The following DNAJC1 variants were observed in gnomAD, a reference collection of about 807,000 sequenced individuals.
DNAJC1 encodes the protein dnaJ homolog subfamily C member 1.
Under a neutral mutation model 76.6 loss-of-function variants are expected in DNAJC1, and 58 were observed. The ratio of observed to expected loss-of-function variants is 0.76; its 90% CI spans 0.61 to 0.94. The LOEUF (loss-of-function observed/expected upper bound fraction) is 0.94. Among genes scored for constraint, DNAJC1 ranks in the 40% least tolerant of loss-of-function variants. The pLI is 0.00. For synonymous variants in DNAJC1, 258 were observed against 267.9 expected (o/e 0.96, Z 0.36); for missense variants, 689 against 677.3 (o/e 1.02, Z -0.19).
intron 3 of DNAJC1, among the ~76,000 whole-genome samples, chr10:21,926,033 C>T (rs1165692856): frequency 6.6e-6 from 1 of 152,232 alleles, no homozygotes; most frequent in Non-Finnish European, 1.5e-5. Context: ...CAGTGCGCAA[C>T]TTCCGCCTCC....
intron 1 of DNAJC1, among the ~76,000 whole-genome samples, chr10:21,996,428 A>C (rs1838416079): frequency 6.6e-6 from 1 of 152,220 alleles, no homozygotes; most frequent in Admixed American, 6.5e-5. Flanking sequence ...CTCAGCAATC[A>C]AGTCAAATAA....
At chr10:21,998,404 A>G (rs897439106) in intron 1 of DNAJC1, among the ~76,000 whole-genome samples, 3 of 151,466 alleles carry the variant, frequency 2.0e-5, no homozygotes, top group African/African-American at 7.3e-5. Flanking sequence ...AAAAAAAAAA[A>G]AAAAAGAAAT....
chr10:21,848,993 A>G (rs886069770), intron 8 of DNAJC1, among the ~76,000 whole-genome samples: 2 of 152,162 alleles, frequency 1.3e-5, no homozygotes, highest in Non-Finnish European at 2.9e-5. Context: ...AGGTAATCTT[A>G]TAATAGTAAA....
chr10:21,822,690 T>C (rs762381293), intron 8 of DNAJC1, among the ~76,000 whole-genome samples: 8 of 152,028 alleles, frequency 5.3e-5, no homozygotes, highest in Non-Finnish European at 8.8e-5. Context: ...ACAATGAACA[T>C]ACATATATAT....
chr10:22,001,136 C>T (rs1273172175), intron 1 of DNAJC1, among the ~76,000 whole-genome samples: 1 of 152,312 alleles, frequency 6.6e-6, no homozygotes, highest in East Asian at 1.9e-4. Context: ...ATCCAATAGG[C>T]ACCAAACAAA....
At chr10:21,928,740 T>C (rs962000574) in intron 2 of DNAJC1, among the ~76,000 whole-genome samples, 188 bp from the exon 3 acceptor site, 1 of 152,166 alleles carries the variant, frequency 6.6e-6, no homozygotes, top group African/African-American at 2.4e-5. Flanking sequence ...ATGCTTGATA[T>C]CAAAATAAAT....
chr10:21,923,515 G>A (rs1457308410), intron 3 of DNAJC1, among the ~76,000 whole-genome samples: 5 of 151,952 alleles, frequency 3.3e-5, no homozygotes, highest in African/African-American at 1.2e-4. Flanking sequence ...CATACAAACT[G>A]TTCTCAACTA....
At chr10:21,886,364 C>T (rs1232826739) in intron 7 of DNAJC1, among the ~76,000 whole-genome samples, 2 of 152,040 alleles carry the variant, frequency 1.3e-5, no homozygotes, top group African/African-American at 4.8e-5. Context: ...AAAAAAAGGC[C>T]AGGACCTGAT....
chr10:21,983,097 C>A (rs995524668), intron 1 of DNAJC1, among the ~76,000 whole-genome samples: 3 of 152,120 alleles, frequency 2.0e-5, no homozygotes, highest in Non-Finnish European at 4.4e-5. Flanking sequence ...TATGATCCAG[C>A]AATTCTTCCT....
chr10:21,966,379 T>C (rs1398764974), intron 1 of DNAJC1, among the ~76,000 whole-genome samples: 1 of 152,068 alleles, frequency 6.6e-6, no homozygotes. Flanking sequence ...AATTTGAGCA[T>C]CCATTGATAA....
At chr10:21,911,958 C>T (rs186057456) in intron 6 of DNAJC1, among the ~76,000 whole-genome samples, 6 of 152,274 alleles carry the variant, frequency 3.9e-5, no homozygotes, top group African/African-American at 1.2e-4. Context: ...CTAGGCTAAG[C>T]TATGAGTTTC....
intron 1 of DNAJC1, among the ~76,000 whole-genome samples, chr10:21,978,212 T>C (rs1385713834): frequency 6.6e-6 from 1 of 152,172 alleles, no homozygotes. Flanking sequence ...TAAAAGTTCC[T>C]GGCAACCAGT....
At chr10:21,801,129 A>C (rs1834809045) in intron 9 of DNAJC1, among the ~76,000 whole-genome samples, 1 of 152,214 alleles carries the variant, frequency 6.6e-6, no homozygotes, top group Admixed American at 6.5e-5. Context: ...AAAACAAATA[A>C]AAGTATATTT....
intron 9 of DNAJC1, among the ~76,000 whole-genome samples, chr10:21,786,425 G>C (rs1032709123): frequency 1.1e-5 from 1 of 91,374 alleles, no homozygotes; most frequent in Admixed American, 1.4e-4. Flanking sequence ...TTTTAAAATG[G>C]GAATATATAT....
Position 21,832,817 on chromosome 10 carries a change from C to T in DNAJC1, c.979-26718G>A, listed in dbSNP as rs533424506. Reference sequence around the variant, plus strand: ...CACTTCACCTTCTGTATGATTTAAACACTCTAACCTCTCATTCAAGATCTA... The same window carrying T: ...CACTTCACCTTCTGTATGATTTAAATACTCTAACCTCTCATTCAAGATCTA... On this transcript the variant is annotated intron_variant, in intron 8 of 11. Transcript: ENST00000376980. Among the ~76,000 whole-genome samples the T allele has an allele frequency of 3.3e-5, 5 of 152,268 alleles. No homozygotes were observed. In the South Asian group the frequency reaches 1.0e-3, roughly 32 times the overall value.
At chr10:21,794,128 G>A (rs1834724974) in intron 9 of DNAJC1, among the ~76,000 whole-genome samples, 1 of 151,930 alleles carries the variant, frequency 6.6e-6, no homozygotes, top group African/African-American at 2.4e-5. Flanking sequence ...AAACTAGTTG[G>A]GTGTGGTAGT....
At chr10:21,978,501 A>T (rs556549785) in intron 1 of DNAJC1, among the ~76,000 whole-genome samples, 1 of 152,306 alleles carries the variant, frequency 6.6e-6, no homozygotes, top group South Asian at 2.1e-4. Flanking sequence ...GCTAGGGAAT[A>T]GCACACACAG....
intron 8 of DNAJC1, among the ~76,000 whole-genome samples, chr10:21,807,113 T>C (rs938043672): frequency 1.3e-5 from 2 of 152,282 alleles, no homozygotes; most frequent in South Asian, 4.1e-4. Flanking sequence ...TGAGGAAGCC[T>C]ACCTTATTTT....
In DNAJC1 at chr10:21,941,095, CAAAAAAA is replaced by C. The variant is rs1208799870; in HGVS notation, c.223-11961_223-11955del. ...TGAAACTCCGTCTCTACTAAAAATA[CAAAAAAA>C]AAAAAAAAAAAAAAAAATTAGCCAG... is the stretch of plus-strand genomic sequence containing the variant. On this transcript the variant is annotated intron_variant, in intron 1 of 11. Coordinates refer to ENST00000376980, the MANE Select transcript of DNAJC1 (RefSeq NM_022365.4). Among the ~76,000 whole-genome samples, 278 of 39,164 alleles carry C rather than the reference CAAAAAAA, an allele frequency of 7.1e-3. 3 individuals carry two copies. Among genetic ancestry groups the C allele is most frequent in the East Asian group, 0.06 (97 of 1,604 alleles). The allele number at this position is 39,164 out of a possible 152,430, so 25.7% of individuals were successfully genotyped here.
Sources: gnomAD v4.1 joint callset for allele counts (sites outside exome capture counted in the v4.1 genomes callset) on GRCh38, gnomAD v4.1.1 for gene constraint, MANE v1.5 for transcripts, NCBI Gene and HGNC (gene_info 2026-07-23, HGNC 2026-07-21) for gene names.